Variants in DUS1L observed in about 807,000 individuals in gnomAD.
The protein encoded by DUS1L is dihydrouridine synthase 1 like, also known as tRNA-dihydrouridine(16/17) synthase [NAD(P)(+)]-like.
In DUS1L, 56 loss-of-function variants were observed where a neutral mutation model predicts 61.2. The observed-to-expected ratio is 0.92, with a 90% CI of 0.74 to 1.14. DUS1L has a LOEUF of 1.14. DUS1L is among the 50% of genes most tolerant of loss of function. The probability of loss-of-function intolerance (pLI) is 0.00; values close to 1 mark genes in which losing one functional copy is unlikely to be tolerated. For missense variants in DUS1L, 630 were observed against 632.4 expected, an observed-to-expected ratio of 1.00 and a Z score of 0.04; for synonymous variants, 278 against 259.5, an observed-to-expected ratio of 1.07 and a Z score of -0.69.
At chr17:82,061,561 G>A (rs1029821901) in intron 7 of DUS1L, 57 bp downstream of exon 7, 3 of 1,554,116 alleles carry the variant, frequency 1.9e-6, no homozygotes, top group Non-Finnish European at 2.6e-6. Flanking sequence ...ACCGACCTGG[G>A]CGGTGGTATC....
intron 11 of DUS1L, 103 bp from the exon 12 acceptor site, chr17:82,058,921 C>A: frequency 9.3e-7 from 1 of 1,071,644 alleles, no homozygotes; most frequent in Non-Finnish European, 1.4e-6. Flanking sequence ...GCGTCCATGC[C>A]AGCTGTGGCC....
chr17:82,057,671 G>C lies in DUS1L; in HGVS notation c.*444C>G. ...TGCTTCCAAGGCTGTGAGGCATCAC[G>C]AAGCTCCCGGAGGCTTTGGCCACTT... On this transcript the variant is annotated 3_prime_UTR_variant, in exon 14 of 14. Coordinates refer to ENST00000306796, the MANE Select transcript of DUS1L (RefSeq NM_022156.5). 4.5e-6 allele frequency: 1 copy of C among 221,222 alleles called. No homozygotes were observed. Among genetic ancestry groups the C allele is most frequent in the South Asian group, 5.7e-5 (1 of 17,624 alleles). The allele number at this position is 221,222 out of a possible 1,614,324, so 13.7% of individuals were successfully genotyped here.
chr17:82,058,020 T>G lies in DUS1L; in HGVS notation c.*95A>C. 7.1e-7 allele frequency: 1 copy of G among 1,400,556 alleles called. No homozygotes were observed. The highest frequency in any genetic ancestry group is 9.4e-7 in the Non-Finnish European group (1 of 1,067,278). The allele number at this position is 1,400,556 out of a possible 1,614,324, so 86.8% of individuals were successfully genotyped here. On this transcript the variant is annotated 3_prime_UTR_variant, in exon 14 of 14. Coordinates refer to ENST00000306796, the MANE Select transcript of DUS1L (RefSeq NM_022156.5). ...GGGGACATGGGCGTGTCTTTCCACA[T>G]TAAGTAGCAGGAGATTCCCTGAGTA...
chr17:82,058,779 A>G lies in DUS1L; in HGVS notation c.1206+2T>C. On this transcript the variant is annotated splice_donor_variant, in intron 12 of 13. Coordinates refer to ENST00000306796, the MANE Select transcript of DUS1L (RefSeq NM_022156.5). LOFTEE classifies it high-confidence loss of function. ...GGTGGCTTGCAGCCGGAACCCACTC[A>G]CCTTTGGGTTTCCACACTGGTCACA... 1.9e-6 allele frequency: 3 copies of G among 1,613,198 alleles called. No homozygotes were observed. Among genetic ancestry groups the G allele is most frequent in the African/African-American group, 1.3e-5 (1 of 75,000 alleles).
Position 82,061,964 on chromosome 17 carries a change from C to T in DUS1L, c.530G>A (p.Arg177His), listed in dbSNP as rs749105154. 5.6e-6 allele frequency: 9 copies of T among 1,608,636 alleles called. No individual in the cohort carries two copies. Among genetic ancestry groups the T allele is most frequent in the Admixed American group, 1.7e-5 (1 of 59,760 alleles). Residue 177 changes from arginine (R) to histidine (H), a missense_variant, in exon 6 of 14, where the codon CGC (arginine) becomes CAC (histidine). Physicochemically the swap from Arg to His is conservative, Grantham distance 29 (BLOSUM62 0). Coordinates refer to ENST00000306796, the MANE Select transcript of DUS1L (RefSeq NM_022156.5). ...CAGGGGCCCCTTCTGCTCCTTGGTG[C>T]GTCCGTGCACCGTCAGCAACTAGGA... ...AGCQLLTVHG[R>H]TKEQKGPLSG... is the part of the protein sequence containing the mutation.
chr17:82,063,627 CCT>C, intron 3 of DUS1L, 109 bp from the exon 4 acceptor site: 2 of 1,417,570 alleles, frequency 1.4e-6, no homozygotes, highest in East Asian at 2.3e-5. Context: ...CAGGAGCTGC[CCT>C]GTCAGGCGGG....
Position 82,064,853 on chromosome 17 carries a change from CA to C in DUS1L, c.206del (p.Val69GlyfsTer36). 4 of 1,611,970 alleles carry C rather than the reference CA, an allele frequency of 2.5e-6. No individual in the cohort carries two copies. The highest frequency in any genetic ancestry group is 2.5e-6 in the Non-Finnish European group (3 of 1,179,640). On this transcript the variant is annotated frameshift_variant, in exon 2 of 14. Coordinates refer to ENST00000306796, the MANE Select transcript of DUS1L (RefSeq NM_022156.5). LOFTEE classifies it high-confidence loss of function. ...CGATGAGGGGCCGGTCCTCGGGGCA[CA>C]CCTCGCAGTACAGGTTCTCCTTCCG... ...NYRKENLYCEVCPEDRPLIVQ... is the reference protein window; with the variant it reads ...NYRKENLYCEXCPEDRPLIVQ...
chr17:82,060,940 C>T lies in DUS1L; in HGVS notation c.864G>A (p.Leu288=), dbSNP rs777011946. 76 of 1,610,296 alleles carry T rather than the reference C, an allele frequency of 4.7e-5. No homozygotes were observed. Among genetic ancestry groups the T allele is most frequent in the Middle Eastern group, 1.6e-4 (1 of 6,074 alleles). ...TCTTCACCTTGGCCAGCTCCTCTCGCAGCTCCTGGTGCACCTGCAGCCTGA... is the reference window on the plus strand; with the variant it reads ...TCTTCACCTTGGCCAGCTCCTCTCGTAGCTCCTGGTGCACCTGCAGCCTGA... ...WHHTLQVHQE[L]REELAKVKTL... Residue 288 remains leucine (L), a synonymous_variant, in exon 9 of 14, where the codon CTG becomes CTA. Coordinates refer to ENST00000306796, the MANE Select transcript of DUS1L (RefSeq NM_022156.5).
At position 82,058,389 on chromosome 17, in the gene DUS1L, G is replaced by T; in HGVS notation, c.1234C>A (p.Arg412Ser). Residue 412 changes from arginine to serine, a missense_variant, in exon 13 of 14, where the codon CGC (arginine) becomes AGC (serine). By Grantham distance (110) the Arg-to-Ser change is moderately radical (BLOSUM62 -1). Coordinates refer to ENST00000306796, the MANE Select transcript of DUS1L (RefSeq NM_022156.5). ...KGNRCVFSLC[R>S]GCCKKRASKE... ...GAGGCTCGCTTCTTGCAGCAGCCGC[G>T]GCACAGGCTGAACACACATCTGTTG... is the stretch of plus-strand genomic sequence containing the variant. 1 of 1,491,024 alleles carries T rather than the reference G, an allele frequency of 6.7e-7. No homozygotes were observed. Among genetic ancestry groups the T allele is most frequent in the Non-Finnish European group, 8.9e-7 (1 of 1,118,216 alleles). 92.4% of individuals were successfully genotyped at this position (1,491,024 alleles called of 1,614,324 possible).
At position 82,065,246 on chromosome 17, in the gene DUS1L, C is replaced by T. The variant is rs2033715842; in HGVS notation, c.-10-177G>A. Reference sequence around the variant, plus strand: ...AGAACGGCCACTCCAGTGCCGCCACCTCCTAGCGGACCTCGGGGGAGCCGC... The same window carrying T: ...AGAACGGCCACTCCAGTGCCGCCACTTCCTAGCGGACCTCGGGGGAGCCGC... On this transcript the variant is annotated intron_variant, in intron 1 of 13. Transcript: ENST00000306796. 5 of 577,624 alleles carry T rather than the reference C, an allele frequency of 8.7e-6. 1 individual carries two copies. The highest frequency in any genetic ancestry group is 1.9e-5 in the African/African-American group (1 of 52,950). The allele number at this position is 577,624 out of a possible 1,614,324, so 35.8% of individuals were successfully genotyped here. A position where few individuals can be genotyped will look rare whatever the true frequency, so the allele number is the denominator to read the frequency against.
rs2033502030 is a variant in DUS1L, at chr17:82,061,627, T to C, written c.688A>G (p.Met230Val). 1 of 1,611,508 alleles carries C rather than the reference T, an allele frequency of 6.2e-7. No homozygotes were observed. Among genetic ancestry groups the C allele is most frequent in the African/African-American group, 1.3e-5 (1 of 74,928 alleles). ...CLRDTGVQGVMSAEGNLHNPA... is the reference protein window; with the variant it reads ...CLRDTGVQGVVSAEGNLHNPA... Reference sequence around the variant, plus strand: ...CCTGGGCCCTGCCCACCTGCGCTCATGACGCCCTGCACACCCGTGTCCCGG... The same window carrying C: ...CCTGGGCCCTGCCCACCTGCGCTCACGACGCCCTGCACACCCGTGTCCCGG... The change falls in exon 7 of 14, where the codon ATG becomes GTG. Residue 230 changes from methionine to valine, a missense_variant. Transcript: ENST00000306796.
Position 82,058,406 on chromosome 17 carries a change from CAT to C in DUS1L, c.1215_1216del (p.Phe408GlnfsTer26), listed in dbSNP as rs1254146180. The stretch of plus-strand genomic sequence containing the variant: ...GCAGCCGCGGCACAGGCTGAACACA[CAT>C]CTGTTGCCCTGGGCACAGGAAATCT... On this transcript the variant is annotated frameshift_variant, in exon 13 of 14. Coordinates refer to ENST00000306796, the MANE Select transcript of DUS1L (RefSeq NM_022156.5). LOFTEE classifies it high-confidence loss of function. 4.7e-6 allele frequency: 7 copies of C among 1,492,562 alleles called. No homozygotes were observed. Among genetic ancestry groups the C allele is most frequent in the Non-Finnish European group, 6.3e-6 (7 of 1,119,564 alleles). 92.5% of individuals were successfully genotyped at this position (1,492,562 alleles called of 1,614,324 possible). A position where few individuals can be genotyped will look rare whatever the true frequency, so the allele number is the denominator to read the frequency against.
rs771442630 is a variant in DUS1L, at chr17:82,058,811, A to G, written c.1176T>C (p.Tyr392=). The G allele has an allele frequency of 1.9e-6, 3 of 1,613,320 alleles. No individual in the cohort carries two copies. The South Asian group carries it at 3.3e-5, about 18-fold the overall frequency. ...GGTTTCCACACTGGTCACACTTTGCATATTTTGCTAGGAAAAGAACAAAAG... is the reference window on the plus strand; with the variant it reads ...GGTTTCCACACTGGTCACACTTTGCGTATTTTGCTAGGAAAAGAACAAAAG... ...KTFDPSLKPK[Y]AKCDQCGNPK... is the part of the protein sequence containing the mutation. Residue 392 remains tyrosine, a synonymous_variant, in exon 12 of 14, where the codon TAT becomes TAC. Coordinates refer to ENST00000306796, the MANE Select transcript of DUS1L (RefSeq NM_022156.5).
intron 5 of DUS1L, 56 bp downstream of exon 5, chr17:82,062,805 C>T (rs1297062408): frequency 2.8e-5 from 41 of 1,460,064 alleles, no homozygotes; most frequent in Non-Finnish European, 3.9e-5. Flanking sequence ...TCAGCTATGT[C>T]CTCTGCGCAA....
chr17:82,058,387 GC>G lies in DUS1L; in HGVS notation c.1235del (p.Arg412ProfsTer136). 1.2e-5 allele frequency: 18 copies of G among 1,490,544 alleles called. No homozygotes were observed. Among genetic ancestry groups the G allele is most frequent in the Non-Finnish European group, 1.6e-5 (18 of 1,117,942 alleles). The allele number at this position is 1,490,544 out of a possible 1,614,324, so 92.3% of individuals were successfully genotyped here. Reference protein sequence around the residue: ...KGNRCVFSLCRGCCKKRASKE... With the variant: ...KGNRCVFSLCXGCCKKRASKE... ...TGGAGGCTCGCTTCTTGCAGCAGCC[GC>G]GGCACAGGCTGAACACACATCTGTT... On this transcript the variant is annotated frameshift_variant, in exon 13 of 14. Coordinates refer to ENST00000306796, the MANE Select transcript of DUS1L (RefSeq NM_022156.5). LOFTEE classifies it high-confidence loss of function.
rs115687194 is a variant in DUS1L at position 82,059,534 on chromosome 17, G to A, written c.1168+414C>T. 473 of 179,238 alleles carry A rather than the reference G, an allele frequency of 2.6e-3. 1 individual carries two copies. The highest frequency in any genetic ancestry group is 0.011 in the African/African-American group (461 of 41,896). 11.1% of individuals were successfully genotyped at this position (179,238 alleles called of 1,614,324 possible). A position where few individuals can be genotyped will look rare whatever the true frequency, so the allele number is the denominator to read the frequency against. ...TGCCACTGGTGGCTAAGAGAGGGGCGAGCAGCCTCGTCCCGTGCCTTTGGC... is the reference window on the plus strand; with the variant it reads ...TGCCACTGGTGGCTAAGAGAGGGGCAAGCAGCCTCGTCCCGTGCCTTTGGC... On this transcript the variant is annotated intron_variant, in intron 11 of 13. Transcript: ENST00000306796.
intron 2 of DUS1L, 157 bp from the exon 3 acceptor site, chr17:82,064,391 C>T (rs8068632): frequency 0.56 from 352,023 of 627,194 alleles, 102,291 homozygotes; most frequent in Non-Finnish European, 0.6. Context: ...ATGACAAAGC[C>T]GGGAGGAGTC....
rs559475677 is a variant in DUS1L, at chr17:82,061,644, G to A, written c.671C>T (p.Thr224Met). 6.8e-6 allele frequency: 11 copies of A among 1,612,574 alleles called. No individual in the cohort carries two copies. Among genetic ancestry groups the A allele is most frequent in the East Asian group, 4.5e-5 (2 of 44,876 alleles). The change falls in exon 7 of 14, where the codon ACG becomes ATG. Residue 224 changes from threonine to methionine, a missense_variant. Thr to Met is a moderately conservative substitution (Grantham distance 81, BLOSUM62 -1). Transcript: ENST00000306796. ...TGCGCTCATGACGCCCTGCACACCC[G>A]TGTCCCGGAGGCAGCGCTCCACGTC... ...LQDVERCLRD[T>M]GVQGVMSAEG...
At chr17:82,061,840 G>A in intron 6 of DUS1L, 61 bp downstream of exon 6, 1 of 1,586,842 alleles carries the variant, frequency 6.3e-7, no homozygotes. Flanking sequence ...CCTGAGGTGT[G>A]GAGCTGGGAC....
Sources: gnomAD v4.1 joint callset for allele counts on GRCh38, gnomAD v4.1.1 for gene constraint, MANE v1.5 for transcripts, NCBI Gene and HGNC (gene_info 2026-07-23, HGNC 2026-07-21) for gene names.